Variants in SYT9 observed in about 807,000 individuals in gnomAD.
SYT9 encodes synaptotagmin 9.
Under a neutral mutation model 48.4 loss-of-function variants are expected in SYT9, and 22 were observed. The ratio of observed to expected loss-of-function variants is 0.45; its 90% CI spans 0.32 to 0.65. The LOEUF (loss-of-function observed/expected upper bound fraction) is 0.65, where lower values mean the gene tolerates loss of function less well. Among genes scored for constraint, SYT9 ranks in the 30% least tolerant of loss-of-function variants. SYT9 has a pLI of 0.03. For missense variants in SYT9, 577 were observed against 622.0 expected, an observed-to-expected ratio of 0.93 and a Z score of 0.77; for synonymous variants, 265 against 245.0, an observed-to-expected ratio of 1.08 and a Z score of -0.76.
intron 3 of SYT9, among the ~76,000 whole-genome samples, chr11:7,338,125 C>G (rs550740806): frequency 1.3e-5 from 2 of 152,112 alleles, no homozygotes; most frequent in African/African-American, 2.4e-5. Context: ...TCTATCTCTT[C>G]TAGGTTTTTA....
In SYT9 at chr11:7,362,199, C is replaced by T. The variant is rs993084722; in HGVS notation, c.1044+48258C>T. Among the ~76,000 whole-genome samples the T allele has an allele frequency of 5.4e-5, 8 of 148,392 alleles. No homozygotes were observed. The East Asian group carries it at 1.2e-3, about 22-fold the overall frequency. ...TCCCTCTGTCACCCAGGCTGGAGTG[C>T]GGTGGTGTGATCTCGGCTTACTGCA... On this transcript the variant is annotated intron_variant, in intron 3 of 6. Coordinates refer to ENST00000318881, the MANE Select transcript of SYT9 (RefSeq NM_175733.4).
intron 3 of SYT9, among the ~76,000 whole-genome samples, chr11:7,379,567 C>A (rs1362852325): frequency 2.0e-5 from 3 of 152,086 alleles, no homozygotes; most frequent in African/African-American, 7.2e-5. Flanking sequence ...TCGTTCTAAT[C>A]ATTGGAATCA....
upstream of SYT9, among the ~76,000 whole-genome samples, chr11:7,251,130 A>ACACACACACACACC (rs909728944): frequency 5.6e-3 from 709 of 127,290 alleles, 3 homozygotes; most frequent in African/African-American, 0.017. Flanking sequence ...ACACACACAC[A>ACACACACACACACC]CACCCAGAGT....
chr11:7,449,869 G>T (rs1848013018), intron 6 of SYT9, among the ~76,000 whole-genome samples: 1 of 151,952 alleles, frequency 6.6e-6, no homozygotes, highest in Admixed American at 6.6e-5. Context: ...TGGGTCTGGT[G>T]GGCCCCTGCT....
At chr11:7,358,360 A>G (rs1232753262) in intron 3 of SYT9, among the ~76,000 whole-genome samples, 8 of 152,094 alleles carry the variant, frequency 5.3e-5, no homozygotes, top group African/African-American at 1.9e-4. Context: ...ATATTTGGTT[A>G]TTAAATTAGT....
intron 3 of SYT9, among the ~76,000 whole-genome samples, chr11:7,328,745 T>C (rs1254677404): frequency 6.6e-6 from 1 of 152,202 alleles, no homozygotes; most frequent in Non-Finnish European, 1.5e-5. Context: ...TTATGTTTAG[T>C]ACATTTTTGA....
rs917527906 is a variant in SYT9, at chr11:7,384,607, G to T, written c.1045-31435G>T. Among the ~76,000 whole-genome samples, 15 of 152,296 alleles carry T rather than the reference G, an allele frequency of 9.8e-5. No individual in the cohort carries two copies. In the East Asian group the frequency reaches 2.7e-3, roughly 27 times the overall value. ...GTCACCTCTCACCAGGTTCACTGAA[G>T]TAACCTTCTAACTGATGGCCCTGAT... On this transcript the variant is annotated intron_variant, in intron 3 of 6. Transcript: ENST00000318881.
chr11:7,271,677 T>C (rs980019240), intron 1 of SYT9, among the ~76,000 whole-genome samples: 8 of 152,094 alleles, frequency 5.3e-5, no homozygotes, highest in Non-Finnish European at 8.8e-5. Context: ...CCTGGGTTCA[T>C]GCCATTCTCC....
At chr11:7,410,378 C>T (rs184468566) in intron 3 of SYT9, among the ~76,000 whole-genome samples, 36 of 152,160 alleles carry the variant, frequency 2.4e-4, no homozygotes, top group African/African-American at 7.9e-4. Context: ...AGTTTAAATC[C>T]AATTTTTTGT....
At chr11:7,276,177 T>C (rs1052375124) in intron 1 of SYT9, among the ~76,000 whole-genome samples, 2 of 152,194 alleles carry the variant, frequency 1.3e-5, no homozygotes, top group East Asian at 3.8e-4. Flanking sequence ...AAACTTCTTT[T>C]ACCATCACCA....
intron 3 of SYT9, among the ~76,000 whole-genome samples, chr11:7,331,778 C>T (rs1353137874): frequency 1.3e-5 from 2 of 152,104 alleles, no homozygotes; most frequent in African/African-American, 4.8e-5. Flanking sequence ...TCTATATATG[C>T]ACCCGGAATA....
intron 3 of SYT9, among the ~76,000 whole-genome samples, chr11:7,413,821 C>T (rs1048287724): frequency 2.0e-5 from 3 of 150,818 alleles, no homozygotes; most frequent in South Asian, 4.2e-4. Flanking sequence ...TGTACTTGTA[C>T]TCCTGGGCCC....
At chr11:7,418,174 G>T (rs987176848) in intron 5 of SYT9, 46 bp downstream of exon 5, 2 of 1,589,782 alleles carry the variant, frequency 1.3e-6, no homozygotes, top group African/African-American at 2.7e-5. Context: ...ACTGTGCCCA[G>T]GACTGGGAAG....
intron 1 of SYT9, among the ~76,000 whole-genome samples, chr11:7,279,885 G>A (rs1164747408): frequency 6.6e-6 from 1 of 152,180 alleles, no homozygotes; most frequent in African/African-American, 2.4e-5. Flanking sequence ...TCTGGTGACA[G>A]CCACTTATGC....
intron 4 of SYT9, among the ~76,000 whole-genome samples, chr11:7,416,458 A>G (rs976225528): frequency 6.6e-6 from 1 of 152,262 alleles, no homozygotes; most frequent in African/African-American, 2.4e-5. Context: ...ACATATTGTT[A>G]ATTATTGTTA....
chr11:7,286,405 G>C (rs988768159), intron 1 of SYT9, among the ~76,000 whole-genome samples: 6 of 152,196 alleles, frequency 3.9e-5, no homozygotes, highest in Non-Finnish European at 4.4e-5. Flanking sequence ...CACACAGCAG[G>C]GGGGGCCCAG....
intron 6 of SYT9, among the ~76,000 whole-genome samples, chr11:7,432,571 AAAAAAAAAAAAATATATATACAT>A (rs1847609343): frequency 3.8e-4 from 5 of 13,092 alleles, no homozygotes; most frequent in Admixed American, 1.1e-3. Context: ...AAAAAAAAAA[AAAAAAAAAAAAATATATATACAT>A]ATATATATAT....
At chr11:7,446,357 G>A (rs1486377660) in intron 6 of SYT9, among the ~76,000 whole-genome samples, 1 of 152,180 alleles carries the variant, frequency 6.6e-6, no homozygotes, top group South Asian at 2.1e-4. Context: ...TACCTAATGT[G>A]TGCTCAATGG....
At chr11:7,465,343 T>C (rs1218214240) in intron 6 of SYT9, among the ~76,000 whole-genome samples, 2 of 152,224 alleles carry the variant, frequency 1.3e-5, no homozygotes, top group African/African-American at 2.4e-5. Flanking sequence ...AAGTAAGTTA[T>C]AGCCTCACAT....
Sources: allele counts gnomAD v4.1 joint callset (sites outside exome capture counted in the v4.1 genomes callset), GRCh38; gene constraint gnomAD v4.1.1; transcripts MANE v1.5; gene names NCBI Gene and HGNC (gene_info 2026-07-23, HGNC 2026-07-21).